CSNK1G2: variants seen among roughly 807,000 people sequenced by gnomAD.
CSNK1G2 encodes the protein casein kinase I isoform gamma-2.
CSNK1G2 carries 11 observed loss-of-function variants against 48.0 expected under a neutral mutation model. That is an observed-to-expected ratio of 0.23 (90% CI 0.14 to 0.38). The LOEUF is 0.38. CSNK1G2 is among the 10% of genes least tolerant of loss of function. The pLI is 1.00. For missense variants in CSNK1G2, 446 were observed against 595.5 expected (o/e 0.75, Z 2.61); for synonymous variants, 337 against 254.1 (o/e 1.33, Z -3.10).
In CSNK1G2 at chr19:1,979,357, C is replaced by G; in HGVS notation, c.807C>G (p.Asp269Glu). The G allele has an allele frequency of 6.2e-7, 1 of 1,606,054 alleles. No individual in the cohort carries two copies. Among genetic ancestry groups the G allele is most frequent in the Non-Finnish European group, 8.5e-7 (1 of 1,177,434 alleles). Residue 269 changes from aspartate to glutamate, a missense_variant, in exon 8 of 12, where the codon GAC becomes GAG. Asp to Glu is a conservative substitution (Grantham distance 45). Around this residue, in one of 2 missense-constraint regions of CSNK1G2, gnomAD observed 258 missense variants for 415.9 expected, o/e 0.62. Coordinates refer to ENST00000255641, the MANE Select transcript of CSNK1G2 (RefSeq NM_001319.7). ...TLKERYQKIGDTKRATPIEVL... is the reference protein window; with the variant it reads ...TLKERYQKIGETKRATPIEVL... Reference sequence around the variant, plus strand: ...AGGAGCGGTACCAGAAGATCGGGGACACCAAACGCGCCACGCCCATCGAGG... The same window carrying G: ...AGGAGCGGTACCAGAAGATCGGGGAGACCAAACGCGCCACGCCCATCGAGG...
intron 1 of CSNK1G2, among the ~76,000 whole-genome samples, chr19:1,951,358 G>A (rs1224009498): frequency 3.5e-5 from 5 of 144,014 alleles, no homozygotes; most frequent in Admixed American, 1.4e-4. Context: ...AGCCGAGATC[G>A]CACCACTGCA....
At position 1,941,300 on chromosome 19, in the gene CSNK1G2, C is replaced by CG. The variant is rs529352244; in HGVS notation, c.-382dup. The CG allele has an allele frequency of 1, 146,381 of 146,448 alleles. 73,157 individuals are homozygous for CG. Among genetic ancestry groups the CG allele is most frequent in the East Asian group, 1 (5,058 of 5,058 alleles). The allele number at this position is 146,448 out of a possible 1,614,324, so 9.1% of individuals were successfully genotyped here. On this transcript the variant is annotated 5_prime_UTR_variant, in exon 1 of 12. The change creates a premature stop within an existing upstream ORF in the 5' untranslated region. Coordinates refer to ENST00000255641, the MANE Select transcript of CSNK1G2 (RefSeq NM_001319.7). ...GCGGGAGCCGGAGCGGGGGCCCAAG[C>CG]GGCACCGGAGCCGGAGCGCGAGGGG...
rs551419067 is a variant in CSNK1G2 at position 1,972,817 on chromosome 19, TTTCACCTTG to T, written c.187+2861_187+2869del. Among the ~76,000 whole-genome samples the T allele has an allele frequency of 3.8e-3, 583 of 152,068 alleles. 5 individuals carry two copies. The highest frequency in any genetic ancestry group is 0.037 in the Middle Eastern group (11 of 294). On this transcript the variant is annotated intron_variant, in intron 2 of 11. Transcript: ENST00000255641. ...TTTTATATTTTTAGTAGAGATGGGG[TTTCACCTTG>T]TTGGCCAGGCTGGTCTTGAACTCCT...
intron 1 of CSNK1G2, among the ~76,000 whole-genome samples, chr19:1,950,263 C>T (rs184979436): frequency 0.026 from 4,028 of 152,026 alleles, 98 homozygotes; most frequent in African/African-American, 0.064. Context: ...CCTCAGCCTC[C>T]CGAGTAGCTG....
At chr19:1,956,723 G>A (rs1028301572) in intron 1 of CSNK1G2, among the ~76,000 whole-genome samples, 23 of 152,124 alleles carry the variant, frequency 1.5e-4, no homozygotes, top group African/African-American at 4.8e-4. Flanking sequence ...AGGAGGTGGC[G>A]GTTACAGACT....
chr19:1,980,413 C>T lies in CSNK1G2; in HGVS notation c.*210C>T. On this transcript the variant is annotated 3_prime_UTR_variant, in exon 12 of 12. Coordinates refer to ENST00000255641, the MANE Select transcript of CSNK1G2 (RefSeq NM_001319.7). Reference sequence around the variant, plus strand: ...TCATGTAAGACTTTGGCCGAAATTTCTACACCTGTGTCTAGTCCTCCCCTC... The same window carrying T: ...TCATGTAAGACTTTGGCCGAAATTTTTACACCTGTGTCTAGTCCTCCCCTC... 1.6e-6 allele frequency: 1 copy of T among 640,988 alleles called. No individual in the cohort carries two copies. Among genetic ancestry groups the T allele is most frequent in the Non-Finnish European group, 2.8e-6 (1 of 360,800 alleles). 39.7% of individuals were successfully genotyped at this position (640,988 alleles called of 1,614,324 possible).
At chr19:1,966,525 TG>T (rs1389030748) in intron 1 of CSNK1G2, among the ~76,000 whole-genome samples, 2 of 152,140 alleles carry the variant, frequency 1.3e-5, no homozygotes, top group Non-Finnish European at 2.9e-5. Context: ...TCTGTGAACC[TG>T]GGGGTAATGA....
At chr19:1,952,265 G>C (rs748217140) in intron 1 of CSNK1G2, among the ~76,000 whole-genome samples, 1 of 152,238 alleles carries the variant, frequency 6.6e-6, no homozygotes, top group Non-Finnish European at 1.5e-5. Context: ...TGTCATCTGC[G>C]GCCTGTGAGC....
At chr19:1,945,821 CAAAAA>C (rs71174398) in intron 1 of CSNK1G2, among the ~76,000 whole-genome samples, 3 of 113,256 alleles carry the variant, frequency 2.6e-5, no homozygotes, top group Non-Finnish European at 3.6e-5. Context: ...GACTCCGTCT[CAAAAA>C]AAAAAAAAAA....
At chr19:1,941,713 C>T (rs984847829) in intron 1 of CSNK1G2, among the ~76,000 whole-genome samples, 7 of 150,240 alleles carry the variant, frequency 4.7e-5, no homozygotes, top group Non-Finnish European at 1.0e-4. Context: ...CCACGCTGAC[C>T]TCCACACTCA....
intron 1 of CSNK1G2, among the ~76,000 whole-genome samples, chr19:1,968,472 C>G (rs1215514136): frequency 1.3e-5 from 2 of 152,208 alleles, no homozygotes; most frequent in African/African-American, 4.8e-5. Context: ...CTGGCTGGCC[C>G]CCTCGCTCCA....
At chr19:1,959,061 C>A (rs1257837397) in intron 1 of CSNK1G2, among the ~76,000 whole-genome samples, 1 of 150,942 alleles carries the variant, frequency 6.6e-6, no homozygotes, top group African/African-American at 2.4e-5. Context: ...GTATTAATAA[C>A]TGAGGTGTGA....
At chr19:1,948,208 C>A (rs567000297) in intron 1 of CSNK1G2, among the ~76,000 whole-genome samples, 1 of 152,190 alleles carries the variant, frequency 6.6e-6, no homozygotes, top group Admixed American at 6.5e-5. Context: ...TGGCCAGAGC[C>A]GGGCTCACAG....
intron 2 of CSNK1G2, chr19:1,974,786 C>T (rs1367753747): frequency 2.6e-5 from 4 of 152,268 alleles, no homozygotes; most frequent in Admixed American, 2.6e-4. Context: ...GGGTTCTCAG[C>T]TGAAGTAGAG....
chr19:1,975,677 T>G (rs1373881001), intron 2 of CSNK1G2: 1 of 985,328 alleles, frequency 1.0e-6, no homozygotes, highest in Non-Finnish European at 1.2e-6. Context: ...AACCTGCAGC[T>G]GATTCAGGGG....
chr19:1,962,640 G>A (rs2145552084), intron 1 of CSNK1G2, among the ~76,000 whole-genome samples: 1 of 152,318 alleles, frequency 6.6e-6, no homozygotes, highest in South Asian at 2.1e-4. Context: ...TCCAGCCTGG[G>A]CGACAGAGCC....
At chr19:1,944,566 G>C (rs527989313) in intron 1 of CSNK1G2, among the ~76,000 whole-genome samples, 2 of 152,284 alleles carry the variant, frequency 1.3e-5, no homozygotes, top group African/African-American at 4.8e-5. Flanking sequence ...TGCGGCCAGG[G>C]GACGGGCCTC....
At position 1,952,715 on chromosome 19, in the gene CSNK1G2, C is replaced by T. The variant is rs561767183; in HGVS notation, c.-266+11297C>T. On this transcript the variant is annotated intron_variant, in intron 1 of 11. Transcript: ENST00000255641. ...GGGTCATGCGCCTAGCAGGCGTCGC[C>T]CGGTGCACAGGGCCAGGAGCTGAGT... is the stretch of plus-strand genomic sequence containing the variant. The T allele has an allele frequency of 3.5e-4, 93 of 266,994 alleles. No individual in the cohort carries two copies. In the Middle Eastern group the frequency reaches 6.4e-3, roughly 18 times the overall value. The allele number at this position is 266,994 out of a possible 1,614,324, so 16.5% of individuals were successfully genotyped here. A position where few individuals can be genotyped will look rare whatever the true frequency, so the allele number is the denominator to read the frequency against.
Position 1,950,419 on chromosome 19 carries a change from G to A in CSNK1G2, c.-266+9001G>A, listed in dbSNP as rs533280469. On this transcript the variant is annotated intron_variant, in intron 1 of 11. Coordinates refer to ENST00000255641, the MANE Select transcript of CSNK1G2 (RefSeq NM_001319.7). ...CTCCCAAAGTGCTGGGATTACAGGCGTGAGCCACCGCGCCTGGCCATCAAT... is the reference window on the plus strand; with the variant it reads ...CTCCCAAAGTGCTGGGATTACAGGCATGAGCCACCGCGCCTGGCCATCAAT... Among the ~76,000 whole-genome samples the A allele has an allele frequency of 3.4e-5, 5 of 147,306 alleles. No individual in the cohort carries two copies. The East Asian group carries it at 1.0e-3, about 31-fold the overall frequency.
Sources: allele counts gnomAD v4.1 joint callset (sites outside exome capture counted in the v4.1 genomes callset), GRCh38; gene constraint gnomAD v4.1.1; regional missense constraint gnomAD v4.1.1; transcripts MANE v1.5; gene names NCBI Gene and HGNC (gene_info 2026-07-23, HGNC 2026-07-21).